The following RIT2 variants were observed in gnomAD, a reference collection of about 807,000 sequenced individuals.
RIT2 encodes Ras like without CAAX 2.
A neutral mutation model predicts 23.7 loss-of-function variants in RIT2; 24 were observed. The observed-to-expected ratio is 1.01, with a 90% CI of 0.73 to 1.43. RIT2 has a LOEUF of 1.43. Ranked by LOEUF, RIT2 falls within the 40% of genes most tolerant of loss-of-function variation. RIT2 has a pLI of 0.00. For missense variants in RIT2, 236 were observed against 266.9 expected, an observed-to-expected ratio of 0.88 and a Z score of 0.81; for synonymous variants, 107 against 91.1, an observed-to-expected ratio of 1.17 and a Z score of -0.99.
intron 1 of RIT2, among the ~76,000 whole-genome samples, chr18:43,081,232 A>G (rs754619904): frequency 2.6e-4 from 40 of 152,198 alleles, no homozygotes; most frequent in Non-Finnish European, 4.9e-4. Context: ...TGTTTACATA[A>G]TAACACTTAG....
chr18:42,918,104 C>T (rs1908960013), intron 4 of RIT2, among the ~76,000 whole-genome samples: 1 of 152,162 alleles, frequency 6.6e-6, no homozygotes, highest in African/African-American at 2.4e-5. Flanking sequence ...CATTGTCTGT[C>T]TCCTCCACTG....
chr18:42,892,111 C>T (rs1908195870), intron 4 of RIT2, among the ~76,000 whole-genome samples: 1 of 152,210 alleles, frequency 6.6e-6, no homozygotes, highest in Non-Finnish European at 1.5e-5. Flanking sequence ...GGGTAGAAGG[C>T]CCAGGTCAGT....
chr18:43,114,735 T>C (rs1229383186), intron 1 of RIT2, among the ~76,000 whole-genome samples: 2 of 152,198 alleles, frequency 1.3e-5, no homozygotes, highest in Non-Finnish European at 2.9e-5. Flanking sequence ...CCGTTCTTTA[T>C]GTACCAAAAG....
At chr18:42,772,319 T>C (rs183584963) in intron 4 of RIT2, among the ~76,000 whole-genome samples, 1 of 152,254 alleles carries the variant, frequency 6.6e-6, no homozygotes, top group Non-Finnish European at 1.5e-5. Flanking sequence ...TGGCAATATT[T>C]TGACCCTAAT....
intron 4 of RIT2, among the ~76,000 whole-genome samples, chr18:42,826,852 C>T (rs1285753944): frequency 6.6e-6 from 1 of 151,894 alleles, no homozygotes; most frequent in Non-Finnish European, 1.5e-5. Flanking sequence ...ATACTAAAAA[C>T]TAAAATCCAT....
chr18:42,865,679 C>CA (rs1165794716), intron 4 of RIT2, among the ~76,000 whole-genome samples: 1 of 152,074 alleles, frequency 6.6e-6, no homozygotes, highest in Non-Finnish European at 1.5e-5. Flanking sequence ...TTATGAACTT[C>CA]AGAATTGGCT....
chr18:43,021,859 C>G (rs1050512193), intron 2 of RIT2, among the ~76,000 whole-genome samples: 3 of 151,942 alleles, frequency 2.0e-5, no homozygotes, highest in African/African-American at 7.3e-5. Flanking sequence ...AATGCAAGAA[C>G]AGATTAATAC....
intron 2 of RIT2, among the ~76,000 whole-genome samples, chr18:43,032,891 T>C (rs1057360907): frequency 1.3e-5 from 2 of 152,104 alleles, no homozygotes; most frequent in African/African-American, 4.8e-5. Flanking sequence ...GAATTAAAAT[T>C]TCTTGATAAG....
rs376127160 is a variant in RIT2, at chr18:42,951,189, A to C, written c.234+22885T>G. Reference sequence around the variant, plus strand: ...AACCTAGGTACCCATCAATGGTGGAATGAATAAAGAAAATGTAGAAAATGT... The same window carrying C: ...AACCTAGGTACCCATCAATGGTGGACTGAATAAAGAAAATGTAGAAAATGT... On this transcript the variant is annotated intron_variant, in intron 3 of 4. Coordinates refer to ENST00000326695, the MANE Select transcript of RIT2 (RefSeq NM_002930.4). 9.5e-4 allele frequency among the ~76,000 whole-genome samples: 144 copies of C among 152,212 alleles called. 1 individual carries two copies. Among genetic ancestry groups the C allele is most frequent in the African/African-American group, 3.2e-3 (133 of 41,578 alleles).
At chr18:42,854,810 C>A (rs1328139349) in intron 4 of RIT2, among the ~76,000 whole-genome samples, 1 of 152,114 alleles carries the variant, frequency 6.6e-6, no homozygotes, top group Non-Finnish European at 1.5e-5. Context: ...TCCATCAATC[C>A]AATACTAGTA....
intron 1 of RIT2, among the ~76,000 whole-genome samples, chr18:43,070,826 T>G (rs1028384147): frequency 1.3e-5 from 2 of 152,176 alleles, no homozygotes; most frequent in Non-Finnish European, 2.9e-5. Context: ...TGCCCATAGA[T>G]TCAGGTATTG....
At chr18:42,991,513 C>T (rs1396172379) in intron 2 of RIT2, among the ~76,000 whole-genome samples, 1 of 152,096 alleles carries the variant, frequency 6.6e-6, no homozygotes, top group Admixed American at 6.6e-5. Context: ...GCCTCTGAGC[C>T]CAAGCTAAGC....
intron 3 of RIT2, among the ~76,000 whole-genome samples, chr18:42,940,036 A>G (rs540968504): frequency 2.6e-4 from 40 of 151,864 alleles, no homozygotes; most frequent in African/African-American, 9.7e-4. Context: ...AGAAGCCAAC[A>G]CTGGTGTTTT....
At chr18:42,876,349 T>A (rs1489078783) in intron 4 of RIT2, among the ~76,000 whole-genome samples, 3 of 86,060 alleles carry the variant, frequency 3.5e-5, no homozygotes, top group African/African-American at 1.6e-4. Context: ...TGCCTGAAAC[T>A]TTTTTTTTTT....
At chr18:42,888,364 T>C (rs1449675139) in intron 4 of RIT2, among the ~76,000 whole-genome samples, 2 of 152,048 alleles carry the variant, frequency 1.3e-5, no homozygotes, top group East Asian at 3.9e-4. Flanking sequence ...TTTTTGTTTT[T>C]GTTTCTTCCC....
At chr18:42,773,339 A>C (rs1200680371) in intron 4 of RIT2, among the ~76,000 whole-genome samples, 1 of 152,216 alleles carries the variant, frequency 6.6e-6, no homozygotes, top group Non-Finnish European at 1.5e-5. Context: ...ATAAAAACAG[A>C]GTGATAGCAT....
chr18:42,990,659 G>T (rs778131958), intron 2 of RIT2, among the ~76,000 whole-genome samples: 4 of 152,146 alleles, frequency 2.6e-5, no homozygotes, highest in Non-Finnish European at 5.9e-5. Flanking sequence ...CATTCTGACA[G>T]GTACATAATA....
intron 4 of RIT2, among the ~76,000 whole-genome samples, chr18:42,830,955 T>C (rs541714954): frequency 6.6e-6 from 1 of 152,314 alleles, no homozygotes; most frequent in Non-Finnish European, 1.5e-5. Context: ...AATAGTATTT[T>C]CTAATTTACT....
intron 4 of RIT2, among the ~76,000 whole-genome samples, chr18:42,842,760 G>T (rs960381941): frequency 3.3e-5 from 5 of 151,988 alleles, no homozygotes; most frequent in Admixed American, 2.0e-4. Flanking sequence ...ATAATGGGTT[G>T]CAGTCAAAAC....
Sources: gnomAD v4.1 joint callset for allele counts (sites outside exome capture counted in the v4.1 genomes callset) on GRCh38, gnomAD v4.1.1 for gene constraint, MANE v1.5 for transcripts, NCBI Gene and HGNC (gene_info 2026-07-23, HGNC 2026-07-21) for gene names.